CALN1: variants seen among roughly 807,000 people sequenced by gnomAD.
CALN1 encodes calcium-binding protein 8.
CALN1 carries 17 observed loss-of-function variants against 30.6 expected under a neutral mutation model. The observed-to-expected ratio is 0.56, with a 90% confidence interval of 0.38 to 0.83. CALN1 has a LOEUF of 0.83. Ranked by LOEUF, CALN1 falls within the 40% of genes least tolerant of loss-of-function variation. The pLI is 0.00. For missense variants in CALN1, 291 were observed against 354.9 expected, an observed-to-expected ratio of 0.82 and a Z score of 1.45; for synonymous variants, 156 against 131.4, an observed-to-expected ratio of 1.19 and a Z score of -1.28.
chr7:71,802,177 T>G (rs1434078712), intron 6 of CALN1, among the ~76,000 whole-genome samples: 1 of 152,118 alleles, frequency 6.6e-6, no homozygotes, highest in African/African-American at 2.4e-5. Context: ...TAGTATAATG[T>G]GTCATGGGAG....
intron 3 of CALN1, among the ~76,000 whole-genome samples, chr7:72,153,408 T>A (rs1016773176): frequency 6.6e-6 from 1 of 151,920 alleles, no homozygotes; most frequent in Non-Finnish European, 1.5e-5. Context: ...GCCAGGTGCA[T>A]TGGCTCACTC....
chr7:72,365,688 C>T (rs895100322), intron 2 of CALN1, among the ~76,000 whole-genome samples: 5 of 152,112 alleles, frequency 3.3e-5, no homozygotes, highest in African/African-American at 1.2e-4. Context: ...ACATCAGCCT[C>T]CCAAAGTGCT....
chr7:72,420,891 G>A (rs1807585469), intron 1 of CALN1, among the ~76,000 whole-genome samples: 1 of 152,104 alleles, frequency 6.6e-6, no homozygotes. Context: ...TGGGATTACA[G>A]GCATGAGCCA....
intron 6 of CALN1, among the ~76,000 whole-genome samples, chr7:71,803,682 C>T (rs1407968485): frequency 2.6e-5 from 4 of 152,044 alleles, no homozygotes; most frequent in African/African-American, 9.7e-5. Context: ...GCCATGTTGG[C>T]CAGGCTGGTC....
chr7:72,086,481 T>C (rs1805490554), intron 4 of CALN1, among the ~76,000 whole-genome samples: 1 of 152,202 alleles, frequency 6.6e-6, no homozygotes, highest in Non-Finnish European at 1.5e-5. Context: ...TTGCCCAGGC[T>C]GGAGTGCAAT....
At chr7:72,340,043 C>T (rs962572602) in intron 2 of CALN1, among the ~76,000 whole-genome samples, 10 of 152,154 alleles carry the variant, frequency 6.6e-5, no homozygotes, top group African/African-American at 9.7e-5. Context: ...TTAAACTGAT[C>T]GACTAGCACA....
chr7:71,972,024 G>GA lies in CALN1; in HGVS notation c.501+51632dup, dbSNP rs1562946977. The stretch of plus-strand genomic sequence containing the variant: ...GAAAGAAAAAAAGAAAGAAAAGAAA[G>GA]AAAGAAAGAAAGACACACTCAGAGT... On this transcript the variant is annotated intron_variant, in intron 5 of 6. Transcript: ENST00000395275. Among the ~76,000 whole-genome samples the GA allele has an allele frequency of 3.6e-3, 510 of 141,086 alleles. 6 individuals are homozygous for GA. The highest frequency in any genetic ancestry group is 0.022 in the Admixed American group (291 of 13,146). 92.6% of individuals were successfully genotyped at this position (141,086 alleles called of 152,430 possible).
At chr7:72,299,205 T>G (rs966853141) in intron 2 of CALN1, among the ~76,000 whole-genome samples, 1 of 152,118 alleles carries the variant, frequency 6.6e-6, no homozygotes, top group East Asian at 1.9e-4. Context: ...TTTCCTCCTT[T>G]TATTCTTATA....
chr7:72,460,088 C>T, the CALN1 span, among the ~76,000 whole-genome samples: 1 of 152,082 alleles, frequency 6.6e-6, no homozygotes, highest in Non-Finnish European at 1.5e-5. Context: ...CCCTTTAAAC[C>T]AGACCCTTTA....
chr7:71,971,825 G>C (rs995618481), intron 5 of CALN1, among the ~76,000 whole-genome samples: 2 of 150,478 alleles, frequency 1.3e-5, no homozygotes, highest in Middle Eastern at 6.4e-3. Flanking sequence ...CAGAGCCTGG[G>C]AGGCTGAGGC....
intron 3 of CALN1, among the ~76,000 whole-genome samples, chr7:72,182,836 A>C (rs535990050): frequency 2.8e-4 from 43 of 152,106 alleles, no homozygotes; most frequent in Non-Finnish European, 6.0e-4. Context: ...GTAAAGGCAC[A>C]AAGTTGTGAC....
intron 3 of CALN1, among the ~76,000 whole-genome samples, chr7:72,214,219 C>T (rs1307631555): frequency 1.3e-5 from 2 of 152,224 alleles, no homozygotes; most frequent in African/African-American, 4.8e-5. Context: ...GTGGCTCACG[C>T]CTGTAATCCC....
intron 4 of CALN1, among the ~76,000 whole-genome samples, chr7:72,085,389 T>A (rs149100103): frequency 1.3e-5 from 2 of 152,192 alleles, no homozygotes; most frequent in South Asian, 4.1e-4. Flanking sequence ...CACATTCACA[T>A]CCTTTTTTTA....
intron 4 of CALN1, among the ~76,000 whole-genome samples, chr7:72,054,432 C>CGT (rs1563015303): frequency 9.1e-5 from 2 of 21,906 alleles, no homozygotes; most frequent in Admixed American, 7.8e-4. Flanking sequence ...TATATATACA[C>CGT]GTATATATAT....
chr7:72,307,510 G>A (rs1460708496), intron 2 of CALN1, among the ~76,000 whole-genome samples: 10 of 152,190 alleles, frequency 6.6e-5, no homozygotes, highest in African/African-American at 4.8e-5. Flanking sequence ...CTAATGGGCT[G>A]TGATCCTCGG....
the CALN1 span, among the ~76,000 whole-genome samples, chr7:72,467,106 T>C: frequency 1.3e-5 from 2 of 152,096 alleles, no homozygotes; most frequent in Admixed American, 1.3e-4. Flanking sequence ...GCAGCAGGTC[T>C]AAGATACAAG....
At chr7:72,328,331 G>A (rs1196736266) in intron 2 of CALN1, among the ~76,000 whole-genome samples, 1 of 152,144 alleles carries the variant, frequency 6.6e-6, no homozygotes, top group Non-Finnish European at 1.5e-5. Context: ...TCATGGTAGT[G>A]AATAAGTCTG....
chr7:72,284,666 T>C (rs77966959), intron 2 of CALN1, among the ~76,000 whole-genome samples: 4 of 152,212 alleles, frequency 2.6e-5, no homozygotes, highest in Non-Finnish European at 4.4e-5. Flanking sequence ...CTTTTCACTA[T>C]CTGATTCTCA....
intron 5 of CALN1, among the ~76,000 whole-genome samples, chr7:71,936,841 C>G (rs1295802686): frequency 6.6e-6 from 1 of 152,020 alleles, no homozygotes; most frequent in Non-Finnish European, 1.5e-5. Flanking sequence ...GGCAGTTTCC[C>G]CCATACTGTT....
Sources: gnomAD v4.1 joint callset for allele counts (sites outside exome capture counted in the v4.1 genomes callset) on GRCh38, gnomAD v4.1.1 for gene constraint, MANE v1.5 for transcripts, NCBI Gene and HGNC (gene_info 2026-07-23, HGNC 2026-07-21) for gene names.